Variants in CNTNAP2 observed in about 807,000 individuals in gnomAD.
CNTNAP2 encodes contactin associated protein 2.
A neutral mutation model predicts 155.2 loss-of-function variants in CNTNAP2; 98 were observed. The ratio of observed to expected loss-of-function variants is 0.63; its 90% confidence interval spans 0.54 to 0.75. The LOEUF (loss-of-function observed/expected upper bound fraction) is 0.75, where lower values mean the gene tolerates loss of function less well. Ranked by LOEUF, CNTNAP2 falls within the 30% of genes least tolerant of loss-of-function variation. The pLI is 0.00. For synonymous variants in CNTNAP2, 651 were observed against 631.2 expected (o/e 1.03, Z -0.47); for missense variants, 1,727 against 1,688.1 (o/e 1.02, Z -0.40).
chr7:147,716,187 A>G (rs1365142819), intron 13 of CNTNAP2, among the ~76,000 whole-genome samples: 1 of 152,134 alleles, frequency 6.6e-6, no homozygotes, highest in Non-Finnish European at 1.5e-5. Context: ...TGTAAATGCC[A>G]TGTTGAAGTT....
At chr7:148,380,569 T>G (rs561197356) in intron 21 of CNTNAP2, among the ~76,000 whole-genome samples, 95 of 152,272 alleles carry the variant, frequency 6.2e-4, no homozygotes, top group African/African-American at 1.5e-3. Flanking sequence ...AAAGTCTACA[T>G]GAATATAAAA....
intron 12 of CNTNAP2, among the ~76,000 whole-genome samples, chr7:147,589,736 T>G (rs1800702709): frequency 6.6e-6 from 1 of 152,198 alleles, no homozygotes; most frequent in Non-Finnish European, 1.5e-5. Context: ...TTGTGAACAG[T>G]GCTGCTATGA....
intron 8 of CNTNAP2, among the ~76,000 whole-genome samples, chr7:147,207,929 G>A (rs1273053531): frequency 2.6e-5 from 4 of 152,094 alleles, no homozygotes; most frequent in Non-Finnish European, 5.9e-5. Context: ...AGTGCTTTGA[G>A]TCTGTACTTC....
chr7:146,663,713 A>G (rs1800135887), intron 1 of CNTNAP2, among the ~76,000 whole-genome samples: 1 of 152,188 alleles, frequency 6.6e-6, no homozygotes, highest in South Asian at 2.1e-4. Context: ...TTTGTATCCT[A>G]TGACCTTGGT....
chr7:146,560,538 C>T (rs980696892), intron 1 of CNTNAP2, among the ~76,000 whole-genome samples: 1 of 151,930 alleles, frequency 6.6e-6, no homozygotes, highest in African/African-American at 2.4e-5. Flanking sequence ...AATTATTTCT[C>T]CAGCTTTACT....
At chr7:147,881,946 TG>T (rs1799529960) in intron 13 of CNTNAP2, among the ~76,000 whole-genome samples, 1 of 152,060 alleles carries the variant, frequency 6.6e-6, no homozygotes, top group African/African-American at 2.4e-5. Flanking sequence ...CACTCCAGCC[TG>T]GGCGACAGAA....
chr7:146,745,441 C>T (rs1801792579), intron 1 of CNTNAP2, among the ~76,000 whole-genome samples: 3 of 152,034 alleles, frequency 2.0e-5, no homozygotes, highest in Admixed American at 2.0e-4. Context: ...AAGATATAAA[C>T]AAAGACAAGA....
chr7:148,176,045 T>C (rs1323776284), intron 18 of CNTNAP2, among the ~76,000 whole-genome samples: 3 of 152,130 alleles, frequency 2.0e-5, no homozygotes, highest in African/African-American at 7.2e-5. Context: ...TGTCACTTTG[T>C]TGAACTAGGA....
At chr7:147,802,232 G>A (rs1400796935) in intron 13 of CNTNAP2, among the ~76,000 whole-genome samples, 3 of 120,976 alleles carry the variant, frequency 2.5e-5, no homozygotes, top group Non-Finnish European at 3.4e-5. Flanking sequence ...GCCGGGAAGA[G>A]ACGCTCCTCA....
chr7:146,773,149 C>G (rs944974439), intron 1 of CNTNAP2, among the ~76,000 whole-genome samples: 2 of 151,634 alleles, frequency 1.3e-5, no homozygotes, highest in Non-Finnish European at 2.9e-5. Flanking sequence ...AGCACTTAGG[C>G]GTTGGCAAAA....
At chr7:146,457,069 G>T (rs895151654) in intron 1 of CNTNAP2, among the ~76,000 whole-genome samples, 6 of 151,904 alleles carry the variant, frequency 3.9e-5, no homozygotes, top group Non-Finnish European at 5.9e-5. Context: ...TCAGATTAAA[G>T]TTTTGCAGAT....
intron 3 of CNTNAP2, among the ~76,000 whole-genome samples, chr7:146,940,684 A>AAT (rs147443681): frequency 0.036 from 4,973 of 137,608 alleles, 96 homozygotes; most frequent in African/African-American, 0.048. Flanking sequence ...TAGTGTAGTA[A>AAT]ATATATATAT....
chr7:146,958,654 C>A (rs1488280742), intron 3 of CNTNAP2, among the ~76,000 whole-genome samples: 2 of 151,876 alleles, frequency 1.3e-5, no homozygotes, highest in East Asian at 3.9e-4. Context: ...ACCTCGTGAT[C>A]CGCCTGCCTC....
intron 11 of CNTNAP2, among the ~76,000 whole-genome samples, chr7:147,518,088 C>T (rs371033309): frequency 4.5e-4 from 68 of 152,208 alleles, no homozygotes; most frequent in Middle Eastern, 6.8e-3. Context: ...GTTATCAATC[C>T]TTAAAGCCGA....
At chr7:147,969,615 G>A (rs1272007967) in intron 14 of CNTNAP2, among the ~76,000 whole-genome samples, 1 of 152,100 alleles carries the variant, frequency 6.6e-6, no homozygotes, top group African/African-American at 2.4e-5. Flanking sequence ...TCTGAGAGCA[G>A]GTTTTAGTAG....
At chr7:148,348,420 C>T (rs1798363569) in intron 21 of CNTNAP2, among the ~76,000 whole-genome samples, 1 of 152,162 alleles carries the variant, frequency 6.6e-6, no homozygotes. Context: ...CCCAATAACC[C>T]ATCATTCAGT....
intron 13 of CNTNAP2, among the ~76,000 whole-genome samples, chr7:147,812,439 C>T (rs1282011185): frequency 3.3e-5 from 5 of 150,780 alleles, no homozygotes; most frequent in East Asian, 1.9e-4. Context: ...ACAGGTCAGC[C>T]GGAGATGTTT....
rs370383973 is a variant in CNTNAP2, at chr7:146,220,222, G to A, written c.97+103249G>A. Among the ~76,000 whole-genome samples the A allele has an allele frequency of 1.3e-3, 191 of 152,080 alleles. 4 individuals are homozygous for A. Among genetic ancestry groups the A allele is most frequent in the Non-Finnish European group, 9.1e-4 (62 of 67,996 alleles). On this transcript the variant is annotated intron_variant, in intron 1 of 23. Coordinates refer to ENST00000361727, the MANE Select transcript of CNTNAP2 (RefSeq NM_014141.6). ...ATGTGATATATTTTGTGACTTTGGC[G>A]TCAAGGAATGCTTGTATAAGATGTT...
chr7:147,311,630 A>G (rs2116796585), intron 9 of CNTNAP2, among the ~76,000 whole-genome samples: 1 of 152,314 alleles, frequency 6.6e-6, no homozygotes, highest in Non-Finnish European at 1.5e-5. Context: ...TGGTAATGAC[A>G]CAAAAATGCA....
Sources: allele counts gnomAD v4.1 joint callset (sites outside exome capture counted in the v4.1 genomes callset), GRCh38; gene constraint gnomAD v4.1.1; transcripts MANE v1.5; gene names NCBI Gene and HGNC (gene_info 2026-07-23, HGNC 2026-07-21).